Variants in WWTR1 observed in about 807,000 individuals in gnomAD.
WWTR1 encodes the protein WW domain containing transcription regulator 1, also known as WW domain-containing transcription regulator protein 1.
WWTR1 carries 13 observed loss-of-function variants against 40.1 expected under a neutral mutation model. The ratio of observed to expected loss-of-function variants is 0.32; its 90% confidence interval spans 0.21 to 0.52. The LOEUF (loss-of-function observed/expected upper bound fraction) is 0.52. Ranked by LOEUF, WWTR1 falls within the 20% of genes least tolerant of loss-of-function variation. WWTR1 has a pLI of 0.97. For missense variants in WWTR1, 436 were observed against 523.1 expected, an observed-to-expected ratio of 0.83 and a Z score of 1.63; for synonymous variants, 230 against 210.1, an observed-to-expected ratio of 1.09 and a Z score of -0.82.
At chr3:149,703,771 A>G (rs1218180917), upstream of WWTR1, among the ~76,000 whole-genome samples, 1 of 152,106 alleles carries the variant, frequency 6.6e-6, no homozygotes, top group Non-Finnish European at 1.5e-5. Context: ...AAGCCTAGCA[A>G]TTCCTCACTG....
At position 149,608,991 on chromosome 3, in the gene WWTR1, C is replaced by T. The variant is rs372520823; in HGVS notation, c.432-35991G>A. Among the ~76,000 whole-genome samples the T allele has an allele frequency of 3.9e-5, 6 of 152,248 alleles. No individual in the cohort carries two copies. The East Asian group carries it at 1.2e-3, about 29-fold the overall frequency. ...GGCTGAGGTGGGAAGATTGCTGGAG[C>T]CTTGGAGGTAGAGGTAGCAGTGAGC... On this transcript the variant is annotated intron_variant, in intron 2 of 6. Coordinates refer to ENST00000360632, the MANE Select transcript of WWTR1 (RefSeq NM_015472.6).
chr3:149,603,689 T>A (rs566621979), intron 2 of WWTR1, among the ~76,000 whole-genome samples: 2 of 152,200 alleles, frequency 1.3e-5, no homozygotes, highest in South Asian at 4.2e-4. Context: ...TGACAGTGAT[T>A]AAATTTCTCT....
intron 2 of WWTR1, among the ~76,000 whole-genome samples, chr3:149,663,557 G>A (rs972092306): frequency 9.2e-5 from 14 of 152,026 alleles, no homozygotes; most frequent in African/African-American, 1.9e-4. Context: ...TTAGCCATGC[G>A]TGGTGGCGCG....
rs768814752 is a variant in WWTR1 at position 149,589,357 on chromosome 3, T to C, written c.432-16357A>G. ...TTCTTGTCCCTCCTGACTTTTTCTG[T>C]TTTTATCAAAGGAAGAAACCTACTC... is the stretch of plus-strand genomic sequence containing the variant. On this transcript the variant is annotated intron_variant, in intron 2 of 6. Transcript: ENST00000360632. Among the ~76,000 whole-genome samples, 26 of 152,370 alleles carry C rather than the reference T, an allele frequency of 1.7e-4. 1 individual carries two copies. Among genetic ancestry groups the C allele is most frequent in the Non-Finnish European group, 2.9e-4 (20 of 68,034 alleles).
At chr3:149,599,933 T>G (rs1277814158) in intron 2 of WWTR1, among the ~76,000 whole-genome samples, 1 of 152,122 alleles carries the variant, frequency 6.6e-6, no homozygotes, top group South Asian at 2.1e-4. Context: ...CCTGAAAATA[T>G]TCAAAATAAA....
chr3:149,635,133 T>C (rs1235890226), intron 2 of WWTR1, among the ~76,000 whole-genome samples: 1 of 152,220 alleles, frequency 6.6e-6, no homozygotes, highest in Non-Finnish European at 1.5e-5. Context: ...CCTCTTCTCC[T>C]GGCTAGCTCA....
intron 2 of WWTR1, among the ~76,000 whole-genome samples, chr3:149,613,914 GA>G (rs200938984): frequency 1.9e-4 from 28 of 147,886 alleles, no homozygotes; most frequent in East Asian, 5.9e-4. Flanking sequence ...CACTCACGGT[GA>G]AAAAAAAAAT....
intron 3 of WWTR1, among the ~76,000 whole-genome samples, chr3:149,568,533 A>C (rs1737450396): frequency 7.4e-6 from 1 of 135,160 alleles, no homozygotes; most frequent in Non-Finnish European, 1.6e-5. Context: ...CAAAAAAAAA[A>C]AAAAAAAAAA....
At chr3:149,583,722 C>G (rs909345307) in intron 2 of WWTR1, among the ~76,000 whole-genome samples, 2 of 152,150 alleles carry the variant, frequency 1.3e-5, no homozygotes, top group African/African-American at 4.8e-5. Context: ...GCTAGGCACT[C>G]AGTGATGAAT....
intron 3 of WWTR1, among the ~76,000 whole-genome samples, chr3:149,572,402 C>A (rs1254143663): frequency 6.6e-6 from 1 of 152,160 alleles, no homozygotes; most frequent in Admixed American, 6.5e-5. Context: ...GTCCTACTTG[C>A]CTCAGGCTAG....
At chr3:149,612,726 G>A (rs973698747) in intron 2 of WWTR1, among the ~76,000 whole-genome samples, 1 of 152,130 alleles carries the variant, frequency 6.6e-6, no homozygotes, top group African/African-American at 2.4e-5. Flanking sequence ...TGGAAAATAG[G>A]AGTTATTCTC....
chr3:149,668,772 T>C (rs1182804409), intron 2 of WWTR1, among the ~76,000 whole-genome samples: 8 of 152,182 alleles, frequency 5.3e-5, no homozygotes, highest in Non-Finnish European at 8.8e-5. Flanking sequence ...AATAGTTACA[T>C]TGATTTCTCC....
intron 3 of WWTR1, among the ~76,000 whole-genome samples, chr3:149,555,285 T>C (rs1736774965): frequency 6.6e-6 from 1 of 152,166 alleles, no homozygotes; most frequent in African/African-American, 2.4e-5. Context: ...ATGTAACAGA[T>C]ACTAAGATTC....
At chr3:149,594,950 CTTTTTTTT>C (rs563658190) in intron 2 of WWTR1, among the ~76,000 whole-genome samples, 7 of 61,772 alleles carry the variant, frequency 1.1e-4, no homozygotes, top group African/African-American at 2.8e-4. Flanking sequence ...CTCTTTTTTA[CTTTTTTTT>C]TTTTTTTTTT....
chr3:149,695,430 T>C (rs1322413201), intron 1 of WWTR1, among the ~76,000 whole-genome samples: 4 of 152,142 alleles, frequency 2.6e-5, no homozygotes, highest in Non-Finnish European at 5.9e-5. Context: ...CATAAATATA[T>C]GTACCTACTA....
intron 1 of WWTR1, among the ~76,000 whole-genome samples, chr3:149,688,120 G>C (rs1380978769): frequency 2.0e-5 from 3 of 151,814 alleles, no homozygotes; most frequent in Non-Finnish European, 4.4e-5. Context: ...GTAAAATAAA[G>C]TACTAAATAG....
chr3:149,703,231 G>T (rs1240441279), exon 1 of WWTR1: 2 of 152,316 alleles, frequency 1.3e-5, no homozygotes, highest in Non-Finnish European at 2.9e-5. Context: ...GTCAATATAA[G>T]GCCTTGTGTT....
chr3:149,713,251 A>G (rs1715520442), intron 5 of WWTR1, among the ~76,000 whole-genome samples: 1 of 152,150 alleles, frequency 6.6e-6, no homozygotes, highest in African/African-American at 2.4e-5. Flanking sequence ...TTAAAAAAAC[A>G]TTTTCACACA....
chr3:149,690,556 G>C (rs1714789919), intron 1 of WWTR1, among the ~76,000 whole-genome samples: 1 of 151,726 alleles, frequency 6.6e-6, no homozygotes. Flanking sequence ...AATTCAGCAA[G>C]ATAATACAAC....
Sources: allele counts gnomAD v4.1 joint callset (sites outside exome capture counted in the v4.1 genomes callset), GRCh38; gene constraint gnomAD v4.1.1; transcripts MANE v1.5; gene names NCBI Gene and HGNC (gene_info 2026-07-23, HGNC 2026-07-21).